The following GUCY2D variants were observed in gnomAD, a reference collection of about 807,000 sequenced individuals.
GUCY2D encodes the protein guanylate cyclase 2D, retinal, also known as retinal guanylyl cyclase 1.
In GUCY2D, 70 loss-of-function variants were observed where a neutral mutation model predicts 101.3. That is an observed-to-expected ratio of 0.69 (90% CI 0.57 to 0.84). The LOEUF (loss-of-function observed/expected upper bound fraction) is 0.84. Ranked by LOEUF, GUCY2D falls within the 40% of genes least tolerant of loss-of-function variation. GUCY2D has a pLI of 0.00. For synonymous variants in GUCY2D, 688 were observed against 670.7 expected (o/e 1.03, Z -0.40); for missense variants, 1,460 against 1,542.5 (o/e 0.95, Z 0.90).
chr17:8,006,204 A>G (rs921424565), intron 3 of GUCY2D, among the ~76,000 whole-genome samples, 159 bp from the exon 4 acceptor site: 8 of 151,510 alleles, frequency 5.3e-5, no homozygotes, highest in Non-Finnish European at 1.0e-4. Flanking sequence ...AAGAGAGCCA[A>G]TGGGGAGGGA....
At chr17:8,006,044 G>T (rs1403753427) in intron 3 of GUCY2D, among the ~76,000 whole-genome samples, 1 of 152,000 alleles carries the variant, frequency 6.6e-6, no homozygotes, top group Non-Finnish European at 1.5e-5. Context: ...ACAGGTGATG[G>T]AGAATTAGAA....
intron 7 of GUCY2D, among the ~76,000 whole-genome samples, chr17:8,008,444 C>A (rs565683921): frequency 6.6e-6 from 1 of 152,124 alleles, no homozygotes; most frequent in East Asian, 1.9e-4. Context: ...GAATAGCAAC[C>A]CCTAGAGGGG....
At position 8,003,328 on chromosome 17, in the gene GUCY2D, C is replaced by G. The variant is rs1975669467; in HGVS notation, c.281C>G (p.Pro94Arg). The G allele has an allele frequency of 3.4e-6, 5 of 1,482,924 alleles. No homozygotes were observed. The highest frequency in any genetic ancestry group is 4.4e-6 in the Non-Finnish European group (5 of 1,123,634). 91.9% of individuals were successfully genotyped at this position (1,482,924 alleles called of 1,614,324 possible). ...CGCGACCCCGGCCTGGCAGGCGGTC[C>G]CCGCTTCGAGGTAGCGCTGCTGCCC... Reference protein sequence around the residue: ...LNRDPGLAGGPRFEVALLPEP... With the variant: ...LNRDPGLAGGRRFEVALLPEP... Residue 94 changes from proline (P) to arginine (R), a missense_variant, in exon 2 of 20, where the codon CCC becomes CGC. Physicochemically the swap from Pro to Arg is moderately radical, Grantham distance 103. This residue lies in a region of GUCY2D where 1,196 missense variants were observed against 1,229.6 expected (regional missense o/e 0.97). Coordinates refer to ENST00000254854, the MANE Select transcript of GUCY2D (RefSeq NM_000180.4).
rs117853745 is a variant in GUCY2D, at chr17:8,006,708, G to C, written c.1372G>C (p.Gly458Arg). 1.2e-6 allele frequency: 2 copies of C among 1,604,520 alleles called. No homozygotes were observed. Among genetic ancestry groups the C allele is most frequent in the South Asian group, 1.1e-5 (1 of 89,778 alleles). ...SCWFDPNNICGGGLEPGLVFL... is the reference protein window; with the variant it reads ...SCWFDPNNICRGGLEPGLVFL... ...CTGGTTCGATCCAAACAACATCTGC[G>C]GTGGAGGTGAGGGCGAGCACCCCAG... Residue 458 changes from glycine to arginine, a missense_variant, in exon 4 of 20, where the codon GGT (glycine) becomes CGT (arginine). Transcript: ENST00000254854.
In GUCY2D at chr17:8,011,627, A is replaced by G. The variant is rs765812814; in HGVS notation, c.1750-517A>G. 1.3e-5 allele frequency among the ~76,000 whole-genome samples: 2 copies of G among 152,186 alleles called. No homozygotes were observed. The highest frequency in any genetic ancestry group is 2.9e-5 in the Non-Finnish European group (2 of 68,038). On this transcript the variant is annotated intron_variant, in intron 8 of 19. Coordinates refer to ENST00000254854, the MANE Select transcript of GUCY2D (RefSeq NM_000180.4). The surrounding 1 kb of genome is among the most constrained non-coding windows in gnomAD (Gnocchi z 4.3). ...CATTTGAAGCCAGGAGTTCAAGACCAGCCTGGGCAACATAGCAAGGCTCCC... is the reference window on the plus strand; with the variant it reads ...CATTTGAAGCCAGGAGTTCAAGACCGGCCTGGGCAACATAGCAAGGCTCCC...
Position 8,011,911 on chromosome 17 carries a change from A to G in GUCY2D, c.1750-233A>G, listed in dbSNP as rs1459176226. Among the ~76,000 whole-genome samples the G allele has an allele frequency of 6.6e-6, 1 of 152,200 alleles. No individual in the cohort carries two copies. The highest frequency in any genetic ancestry group is 1.5e-5 in the Non-Finnish European group (1 of 68,026). ...GCAAAGTTGTCTTTTCATTCACAGC[A>G]TTAGGCTAAACCATACTCAGTATCC... is the stretch of plus-strand genomic sequence containing the variant. On this transcript the variant is annotated intron_variant, in intron 8 of 19. Coordinates refer to ENST00000254854, the MANE Select transcript of GUCY2D (RefSeq NM_000180.4). This position sits in a 1 kb window ranked among gnomAD's most constrained non-coding sequence, Gnocchi z 4.3.
Position 8,003,890 on chromosome 17 carries a change from G to T in GUCY2D, c.760G>T (p.Glu254Ter), listed in dbSNP as rs756730335. The change falls in exon 3 of 20, where the codon GAG (glutamate) becomes TAG (stop). Residue 254 changes from glutamate (E) to a stop codon, truncating the protein, a stop_gained. Transcript: ENST00000254854. LOFTEE classifies it high-confidence loss of function. ...GATGCACTCGGTGCTGCTGGGTGGC[G>T]AGGAGCAGCGCTACCTCCTGGAGGC... The part of the protein sequence containing the change: ...MVMHSVLLGG[E>*]EQRYLLEAAE... The T allele has an allele frequency of 1.9e-6, 3 of 1,613,142 alleles. No individual in the cohort carries two copies. The African/African-American group carries it at 4.0e-5, about 22-fold the overall frequency.
rs34594470 is a variant in GUCY2D, at chr17:8,011,377, T to TA, written c.1750-757dup. The stretch of plus-strand genomic sequence containing the variant: ...CTGGGTGACAGAGTAAGAATCTGTC[T>TA]AAAAAAAAAATACATAAACAAAAGA... On this transcript the variant is annotated intron_variant, in intron 8 of 19. Coordinates refer to ENST00000254854, the MANE Select transcript of GUCY2D (RefSeq NM_000180.4). The surrounding 1 kb of genome is among the most constrained non-coding windows in gnomAD (Gnocchi z 4.3). 0.6 allele frequency among the ~76,000 whole-genome samples: 89,122 copies of TA among 149,476 alleles called. 27,275 individuals are homozygous for TA. Among genetic ancestry groups the TA allele is most frequent in the East Asian group, 0.95 (4,821 of 5,078 alleles).
rs1201943069 is a variant in GUCY2D, at chr17:8,013,114, A to G, written c.2125A>G (p.Thr709Ala). ...TTCCCCATCCCCAGACCAGCTGTGG[A>G]CAGCCCCGGAGCTGCTTAGGGACCC... Reference protein sequence around the residue: ...EPPRAEDQLWTAPELLRDPAL... With the variant: ...EPPRAEDQLWAAPELLRDPAL... Residue 709 changes from threonine (T) to alanine (A), a missense_variant, in exon 11 of 20, where the codon ACA (threonine) becomes GCA (alanine). By Grantham distance (58) the Thr-to-Ala change is moderately conservative. This residue lies in a region of GUCY2D where 1,196 missense variants were observed against 1,229.6 expected (regional missense o/e 0.97). Coordinates refer to ENST00000254854, the MANE Select transcript of GUCY2D (RefSeq NM_000180.4). This position sits in a 1 kb window ranked among gnomAD's most constrained non-coding sequence, Gnocchi z 5.0. 1.9e-6 allele frequency: 3 copies of G among 1,612,778 alleles called. No individual in the cohort carries two copies. The highest frequency in any genetic ancestry group is 2.5e-6 in the Non-Finnish European group (3 of 1,179,918).
At chr17:8,015,100 C>A in intron 14 of GUCY2D, 49 bp downstream of exon 14, 1 of 1,503,618 alleles carries the variant, frequency 6.7e-7, no homozygotes, top group Non-Finnish European at 9.2e-7. Flanking sequence ...TCAGCTTCAC[C>A]AGCCTCCAGC....
At chr17:8,010,397 G>C (rs1186302154) in intron 8 of GUCY2D, among the ~76,000 whole-genome samples, 1 of 152,152 alleles carries the variant, frequency 6.6e-6, no homozygotes, top group Non-Finnish European at 1.5e-5. Context: ...TGCAGCCTGG[G>C]CCTGGCCTTC....
chr17:8,015,190 C>G, intron 14 of GUCY2D, 138 bp from the exon 15 acceptor site: 1 of 1,066,902 alleles, frequency 9.4e-7, no homozygotes, highest in Non-Finnish European at 1.4e-6. Context: ...ATTTATTCCT[C>G]CAGTCCCCAG....
rs1975889792 is a variant in GUCY2D at position 8,013,148 on chromosome 17, A to G, written c.2159A>G (p.Glu720Gly). The G allele has an allele frequency of 6.2e-7, 1 of 1,613,718 alleles. No homozygotes were observed. Among genetic ancestry groups the G allele is most frequent in the Admixed American group, 1.7e-5 (1 of 59,998 alleles). The change falls in exon 11 of 20, where the codon GAG (glutamate) becomes GGG (glycine). Residue 720 changes from glutamate (E) to glycine (G), a missense_variant. Around this residue, in one of 3 missense-constraint regions of GUCY2D, gnomAD observed 1,196 missense variants for 1,229.6 expected, o/e 0.97. Transcript: ENST00000254854. This position sits in a 1 kb window ranked among gnomAD's most constrained non-coding sequence, Gnocchi z 5.0. ...GAGCTGCTTAGGGACCCAGCCCTGG[A>G]GCGCCGGGGAACGCTGGCCGGCGAC... is the stretch of plus-strand genomic sequence containing the variant. ...APELLRDPAL[E>G]RRGTLAGDVF...
Position 8,015,830 on chromosome 17 carries a change from C to CACGCA in GUCY2D, c.3032_3033insACGCA (p.Thr1012ArgfsTer11), listed in dbSNP as rs1975959258. The CACGCA allele has an allele frequency of 6.2e-7, 1 of 1,611,866 alleles. No individual in the cohort carries two copies. On this transcript the variant is annotated frameshift_variant, in exon 16 of 20. Coordinates refer to ENST00000254854, the MANE Select transcript of GUCY2D (RefSeq NM_000180.4). LOFTEE classifies it high-confidence loss of function. ...GTCAACACCGCCTCGCGCATGGAGT[C>CACGCA]CACCGGGCTGCGTGAGTGTGACGGG...
At chr17:8,009,673 C>G in intron 8 of GUCY2D, 87 bp downstream of exon 8, 1 of 892,084 alleles carries the variant, frequency 1.1e-6, no homozygotes, top group Admixed American at 1.7e-5. Context: ...AGAGGTAGGT[C>G]TCAGTTAAGT....
Position 8,003,357 on chromosome 17 carries a change from C to T in GUCY2D, c.310C>T (p.Pro104Ser). The change falls in exon 2 of 20, where the codon CCT becomes TCT. Residue 104 changes from proline to serine, a missense_variant. This residue lies in a region of GUCY2D where 1,196 missense variants were observed against 1,229.6 expected (regional missense o/e 0.97). Coordinates refer to ENST00000254854, the MANE Select transcript of GUCY2D (RefSeq NM_000180.4). ...PRFEVALLPE[P>S]CRTPGSLGAV... Reference sequence around the variant, plus strand: ...CTTCGAGGTAGCGCTGCTGCCCGAGCCTTGCCGGACGCCGGGCTCGCTGGG... The same window carrying T: ...CTTCGAGGTAGCGCTGCTGCCCGAGTCTTGCCGGACGCCGGGCTCGCTGGG... 1 of 1,468,528 alleles carries T rather than the reference C, an allele frequency of 6.8e-7. No individual in the cohort carries two copies. Among genetic ancestry groups the T allele is most frequent in the South Asian group, 1.3e-5 (1 of 76,700 alleles). The allele number at this position is 1,468,528 out of a possible 1,614,324, so 91.0% of individuals were successfully genotyped here. A position where few individuals can be genotyped will look rare whatever the true frequency, so the allele number is the denominator to read the frequency against.
Position 8,013,285 on chromosome 17 carries a change from C to A in GUCY2D, c.2263+33C>A, listed in dbSNP as rs754193560. On this transcript the variant is annotated intron_variant, in intron 11 of 19. Coordinates refer to ENST00000254854, the MANE Select transcript of GUCY2D (RefSeq NM_000180.4). This position sits in a 1 kb window ranked among gnomAD's most constrained non-coding sequence, Gnocchi z 5.0. ...TGCCCTGTGCGTGGAGTTCGGCCCA[C>A]AGGGGCACCCTGCAGTTAGAAAAGA... 2 of 1,608,300 alleles carry A rather than the reference C, an allele frequency of 1.2e-6. No individual in the cohort carries two copies. The highest frequency in any genetic ancestry group is 1.7e-6 in the Non-Finnish European group (2 of 1,175,362).
Position 8,013,852 on chromosome 17 carries a change from C to G in GUCY2D, c.2264-28C>G. 6.2e-7 allele frequency: 1 copy of G among 1,606,970 alleles called. No homozygotes were observed. Among genetic ancestry groups the G allele is most frequent in the Non-Finnish European group, 8.5e-7 (1 of 1,173,834 alleles). On this transcript the variant is annotated intron_variant, in intron 11 of 19. Coordinates refer to ENST00000254854, the MANE Select transcript of GUCY2D (RefSeq NM_000180.4). The surrounding 1 kb of genome is among the most constrained non-coding windows in gnomAD (Gnocchi z 5.0). ...GCAGCCTTTGTGTTCTGGGGGCACT[C>G]CCCCTCACTGTCCCCTCATGCCTCC...
chr17:8,014,378 G>T lies in GUCY2D; in HGVS notation c.2413-223G>T. The T allele has an allele frequency of 6.4e-6, 4 of 627,010 alleles. No homozygotes were observed. The highest frequency in any genetic ancestry group is 1.1e-5 in the Non-Finnish European group (4 of 348,734). 38.8% of individuals were successfully genotyped at this position (627,010 alleles called of 1,614,324 possible). ...CAGTGCCCTGTCAATTACTAGCTGAGATCAACTGACCTCTGGGAACCCTCA... is the reference window on the plus strand; with the variant it reads ...CAGTGCCCTGTCAATTACTAGCTGATATCAACTGACCTCTGGGAACCCTCA... On this transcript the variant is annotated intron_variant, in intron 12 of 19. Coordinates refer to ENST00000254854, the MANE Select transcript of GUCY2D (RefSeq NM_000180.4). The surrounding 1 kb of genome is among the most constrained non-coding windows in gnomAD (Gnocchi z 4.0).
Sources: gnomAD v4.1 joint callset for allele counts (sites outside exome capture counted in the v4.1 genomes callset) on GRCh38, gnomAD v4.1.1 for gene constraint, gnomAD v4.1.1 regional missense constraint, Gnocchi (gnomAD v3.1) non-coding constraint, MANE v1.5 for transcripts, NCBI Gene and HGNC (gene_info 2026-07-23, HGNC 2026-07-21) for gene names.